Variants in GAK observed in about 807,000 individuals in gnomAD.
The protein encoded by GAK is cyclin G associated kinase.
In GAK, 79 loss-of-function variants were observed where a neutral mutation model predicts 143.9. The ratio of observed to expected loss-of-function variants is 0.55; its 90% CI spans 0.46 to 0.66. The LOEUF (loss-of-function observed/expected upper bound fraction) is 0.66. Ranked by LOEUF, GAK falls within the 30% of genes least tolerant of loss-of-function variation. The probability of loss-of-function intolerance (pLI) is 0.00; values close to 1 mark genes in which losing one functional copy is unlikely to be tolerated. For missense variants in GAK, 1,693 were observed against 1,779.7 expected, an observed-to-expected ratio of 0.95 and a Z score of 0.88; for synonymous variants, 881 against 765.5, an observed-to-expected ratio of 1.15 and a Z score of -2.49.
At chr4:904,258 C>CT (rs1230661257) in intron 5 of GAK, among the ~76,000 whole-genome samples, 2 of 108,396 alleles carry the variant, frequency 1.8e-5, no homozygotes, top group Non-Finnish European at 3.8e-5. Context: ...CCTAACCGAG[C>CT]GGGACCCGCA....
intron 23 of GAK, among the ~76,000 whole-genome samples, chr4:863,741 T>C (rs185785838): frequency 2.0e-5 from 3 of 152,368 alleles, no homozygotes; most frequent in Non-Finnish European, 4.4e-5. Flanking sequence ...TAACAGACTA[T>C]GGCCAGGCCG....
chr4:859,014 G>A (rs1002197801), intron 24 of GAK, among the ~76,000 whole-genome samples: 14 of 152,324 alleles, frequency 9.2e-5, no homozygotes, highest in South Asian at 2.1e-4. Context: ...TCATCCCCCC[G>A]CCGCCGACGC....
At chr4:865,087 C>CT in intron 23 of GAK, 35 bp downstream of exon 23, 1 of 1,462,646 alleles carries the variant, frequency 6.8e-7, no homozygotes, top group Non-Finnish European at 9.0e-7. Context: ...AGCTGCACGT[C>CT]TGGGAGCCCT....
chr4:910,427 G>T (rs1721847968), intron 4 of GAK, among the ~76,000 whole-genome samples: 1 of 145,768 alleles, frequency 6.9e-6, no homozygotes, highest in Non-Finnish European at 1.5e-5. Context: ...CTAAGCACAG[G>T]GCCCCTTCCA....
chr4:867,911 C>T (rs1197322677), intron 20 of GAK, among the ~76,000 whole-genome samples: 4 of 152,262 alleles, frequency 2.6e-5, no homozygotes, highest in East Asian at 1.9e-4. Flanking sequence ...TGGCTCTCTC[C>T]GCCTGGGCCT....
chr4:896,408 T>G, intron 7 of GAK, 52 bp downstream of exon 7: 1 of 1,495,050 alleles, frequency 6.7e-7, no homozygotes, highest in Non-Finnish European at 9.3e-7. Flanking sequence ...CGCCTCAGGT[T>G]AAGTAGGGCG....
Position 881,924 on chromosome 4 carries a change from G to T in GAK, c.1644C>A (p.Ile548=). 1 of 1,591,322 alleles carries T rather than the reference G, an allele frequency of 6.3e-7. No individual in the cohort carries two copies. Among genetic ancestry groups the T allele is most frequent in the Non-Finnish European group, 8.6e-7 (1 of 1,168,710 alleles). The change falls in exon 15 of 28, where the codon ATC becomes ATA. Residue 548 remains isoleucine, a synonymous_variant. Transcript: ENST00000314167. ...CGCAGTACCTTTTGTGGGATGGCCA[G>T]ATGCCTGGTGGGCAGCGCTTCATGC... is the stretch of plus-strand genomic sequence containing the variant. ...MFSMKRCPPG[I]WPSHKRYIEY...
intron 16 of GAK, 103 bp downstream of exon 16, chr4:877,512 C>A (rs1714195980): frequency 8.0e-7 from 1 of 1,244,122 alleles, no homozygotes. Flanking sequence ...AACACGTCCG[C>A]CTCAGCAAGC....
intron 24 of GAK, among the ~76,000 whole-genome samples, chr4:855,867 A>G (rs1749031907): frequency 6.6e-6 from 1 of 152,224 alleles, no homozygotes; most frequent in African/African-American, 2.4e-5. Context: ...AGGCGGGAGA[A>G]TTGCTTGAAA....
Position 865,113 on chromosome 4 carries a change from T to C in GAK, c.3166+9A>G. On this transcript the variant is annotated intron_variant, in intron 23 of 27. Transcript: ENST00000314167. ...TGGGAGCCCTGTCCTTGGTGGGTGG[T>C]GGCCATACCTTCTGTGGCTGGCGTG... The C allele has an allele frequency of 6.2e-7, 1 of 1,606,134 alleles. No individual in the cohort carries two copies. Among genetic ancestry groups the C allele is most frequent in the Non-Finnish European group, 8.5e-7 (1 of 1,175,776 alleles).
chr4:912,737 T>C lies in GAK; in HGVS notation c.265A>G (p.Met89Val). Reference protein sequence around the residue: ...NRAIIQEVCFMKKLSGHPNIV... With the variant: ...NRAIIQEVCFVKKLSGHPNIV... The stretch of plus-strand genomic sequence containing the variant: ...TCCTGGTTCCAGGAAAAGGATACCA[T>C]GAAGCAAACTTCTTGAATGATGGCT... Residue 89 changes from methionine (M) to valine (V), a missense_variant and splice_region_variant, in exon 3 of 28, where the codon ATG becomes GTG. By Grantham distance (21) the Met-to-Val change is conservative (BLOSUM62 1). Transcript: ENST00000314167. 5 of 1,613,438 alleles carry C rather than the reference T, an allele frequency of 3.1e-6. No individual in the cohort carries two copies. The highest frequency in any genetic ancestry group is 4.2e-6 in the Non-Finnish European group (5 of 1,179,484).
intron 19 of GAK, among the ~76,000 whole-genome samples, chr4:870,203 A>G (rs946000161): frequency 7.2e-5 from 11 of 152,094 alleles, no homozygotes; most frequent in African/African-American, 2.7e-4. Flanking sequence ...AAAAGCAAAC[A>G]CTGCAAACCA....
intron 1 of GAK, among the ~76,000 whole-genome samples, chr4:916,388 G>A (rs2152953854): frequency 6.6e-6 from 1 of 152,278 alleles, no homozygotes; most frequent in African/African-American, 2.4e-5. Flanking sequence ...CCAAGAAGCT[G>A]GGACTACAGG....
chr4:896,552 G>A lies in GAK; in HGVS notation c.652-3C>T, dbSNP rs1718810040. Reference sequence around the variant, plus strand: ...ATTGGTGTTGTATTCCTCGTGATCTGAAAAAATACAAACATTTCAAAGGAA... The same window carrying A: ...ATTGGTGTTGTATTCCTCGTGATCTAAAAAAATACAAACATTTCAAAGGAA... On this transcript the variant is annotated splice_region_variant and splice_polypyrimidine_tract_variant and intron_variant, in intron 6 of 27. Coordinates refer to ENST00000314167, the MANE Select transcript of GAK (RefSeq NM_005255.4). The A allele has an allele frequency of 6.2e-7, 1 of 1,605,536 alleles. No homozygotes were observed. The highest frequency in any genetic ancestry group is 8.5e-7 in the Non-Finnish European group (1 of 1,172,172).
chr4:912,700 C>A (rs1472332158), intron 3 of GAK, 35 bp downstream of exon 3: 3 of 1,593,020 alleles, frequency 1.9e-6, no homozygotes, highest in Non-Finnish European at 2.6e-6. Context: ...CTGCCAAAGC[C>A]ACCGTGCTGG....
chr4:894,444 G>T, intron 7 of GAK: 1 of 167,544 alleles, frequency 6.0e-6, no homozygotes, highest in South Asian at 1.4e-4. Context: ...GAGCAGGGGT[G>T]ATGCCCGAGC....
intron 18 of GAK, among the ~76,000 whole-genome samples, chr4:875,228 T>A (rs1713596779): frequency 6.6e-6 from 1 of 152,006 alleles, no homozygotes; most frequent in Non-Finnish European, 1.5e-5. Flanking sequence ...GGCTGAAAAC[T>A]CTAAGAGCAC....
chr4:896,418 G>A (rs375781124), intron 7 of GAK, 42 bp downstream of exon 7: 169 of 1,540,052 alleles, frequency 1.1e-4, no homozygotes, highest in Non-Finnish European at 1.4e-4. Context: ...TAAGTAGGGC[G>A]CACGGAGCCA....
chr4:889,049 G>GCCCCAGGTGCTTGGTCCCACCT lies in GAK; in HGVS notation c.1082-80_1082-79insAGGTGGGACCAAGCACCTGGGG, dbSNP rs1717128443. ...GGTGCGGGTTGCTGGCTGGGCCCAG[G>GCCCCAGGTGCTTGGTCCCACCT]CCCCAGGCGCTCGGTCCCACCTCCC... On this transcript the variant is annotated intron_variant, in intron 10 of 27. Transcript: ENST00000314167. 9 of 1,474,556 alleles carry GCCCCAGGTGCTTGGTCCCACCT rather than the reference G, an allele frequency of 6.1e-6. No homozygotes were observed. In the East Asian group the frequency reaches 1.2e-4, roughly 20 times the overall value. 91.3% of individuals were successfully genotyped at this position (1,474,556 alleles called of 1,614,324 possible). A position where few individuals can be genotyped will look rare whatever the true frequency, so the allele number is the denominator to read the frequency against.
Sources: gnomAD v4.1 joint callset for allele counts (sites outside exome capture counted in the v4.1 genomes callset) on GRCh38, gnomAD v4.1.1 for gene constraint, MANE v1.5 for transcripts, NCBI Gene and HGNC (gene_info 2026-07-23, HGNC 2026-07-21) for gene names.